Variants in GLS2 observed in about 807,000 individuals in gnomAD.
GLS2 encodes the protein glutaminase liver isoform, mitochondrial.
A neutral mutation model predicts 79.0 loss-of-function variants in GLS2; 52 were observed. That is an observed-to-expected ratio of 0.66 (90% confidence interval 0.53 to 0.83). The LOEUF (loss-of-function observed/expected upper bound fraction) is 0.83, where lower values mean the gene tolerates loss of function less well. GLS2 is among the 40% of genes least tolerant of loss of function. The probability of loss-of-function intolerance (pLI) is 0.00; values close to 1 mark genes in which losing one functional copy is unlikely to be tolerated. For synonymous variants in GLS2, 238 were observed against 280.8 expected (o/e 0.85, Z 1.52); for missense variants, 561 against 764.8 (o/e 0.73, Z 3.14).
rs756801839 is a variant in GLS2 at position 56,472,762 on chromosome 12, A to G, written c.1450-11T>C. ...GACCACAGTCTTGTTCTGGAACACA[A>G]ATCATACCCACATGACATTAATTGA... is the stretch of plus-strand genomic sequence containing the variant. On this transcript the variant is annotated splice_polypyrimidine_tract_variant and intron_variant, in intron 14 of 17. Coordinates refer to ENST00000311966, the MANE Select transcript of GLS2 (RefSeq NM_013267.4). 1.2e-6 allele frequency: 2 copies of G among 1,613,642 alleles called. No individual in the cohort carries two copies. The highest frequency in any genetic ancestry group is 4.5e-5 in the East Asian group (2 of 44,884).
In GLS2 at chr12:56,480,291, G is replaced by A. The variant is rs369246689; in HGVS notation, c.279C>T (p.Thr93=). The A allele has an allele frequency of 2.8e-5, 45 of 1,613,410 alleles. 1 individual carries two copies. The highest frequency in any genetic ancestry group is 2.7e-4 in the East Asian group (12 of 44,898). The change falls in exon 2 of 18, where the codon ACC becomes ACT. Residue 93 remains threonine (T), a synonymous_variant. Coordinates refer to ENST00000311966, the MANE Select transcript of GLS2 (RefSeq NM_013267.4). The part of the protein sequence containing the change: ...GQERIPIHKF[T]TALKATGLQT... Reference sequence around the variant, plus strand: ...GAACAGGTAGAGGGCAACTTACAGTGGTGAACTTGTGGATAGGGATTCGTT... The same window carrying A: ...GAACAGGTAGAGGGCAACTTACAGTAGTGAACTTGTGGATAGGGATTCGTT...
At position 56,471,385 on chromosome 12, in the gene GLS2, C is replaced by A; in HGVS notation, c.*102G>T. 7.9e-7 allele frequency: 1 copy of A among 1,262,898 alleles called. No homozygotes were observed. 78.2% of individuals were successfully genotyped at this position (1,262,898 alleles called of 1,614,324 possible). ...AGTCACCAAATGACTGCTTGGTCCC[C>A]ACTGAAGCAGTGTAGCTCTCCATAG... On this transcript the variant is annotated 3_prime_UTR_variant, in exon 18 of 18. Coordinates refer to ENST00000311966, the MANE Select transcript of GLS2 (RefSeq NM_013267.4).
intron 4 of GLS2, 195 bp from the exon 5 acceptor site, chr12:56,478,457 A>C (rs1182312887): frequency 3.4e-6 from 2 of 593,296 alleles, no homozygotes; most frequent in Non-Finnish European, 6.0e-6. Flanking sequence ...GTGTATCCGC[A>C]ATCCTGTAGA....
At chr12:56,479,637 G>C (rs1870125314) in intron 3 of GLS2, 143 bp downstream of exon 3, 2 of 955,122 alleles carry the variant, frequency 2.1e-6, no homozygotes, top group Non-Finnish European at 2.9e-6. Flanking sequence ...CTTATGATGA[G>C]TATTCATGTA....
chr12:56,488,020 G>C lies in GLS2; in HGVS notation c.99C>G (p.Gly33=). The C allele has an allele frequency of 2.5e-6, 4 of 1,597,534 alleles. No individual in the cohort carries two copies. The highest frequency in any genetic ancestry group is 3.4e-6 in the Non-Finnish European group (4 of 1,178,290). ...WGHPSRSPLL[G]GGVRHHLSEA... ...CACTGAGGTGGTGCCGGACGCCCCC[G>C]CCAAGGAGGGGGCTCCGGCTCGGGT... The change falls in exon 1 of 18, where the codon GGC becomes GGG. Residue 33 remains glycine (G), a synonymous_variant. Coordinates refer to ENST00000311966, the MANE Select transcript of GLS2 (RefSeq NM_013267.4).
rs901031980 is a variant in GLS2, at chr12:56,471,147, A to G, written c.*340T>C. On this transcript the variant is annotated 3_prime_UTR_variant, in exon 18 of 18. Transcript: ENST00000311966. ...GCATGGTAGCTAGAGTCCCTCCACC[A>G]GAGTATCTCTCTCATGATGGTTTCT... 12 of 417,230 alleles carry G rather than the reference A, an allele frequency of 2.9e-5. No individual in the cohort carries two copies. The highest frequency in any genetic ancestry group is 1.0e-4 in the South Asian group (1 of 9,984). The allele number at this position is 417,230 out of a possible 1,614,324, so 25.8% of individuals were successfully genotyped here. A position where few individuals can be genotyped will look rare whatever the true frequency, so the allele number is the denominator to read the frequency against.
intron 12 of GLS2, 171 bp from the exon 13 acceptor site, chr12:56,473,765 T>A: frequency 1.4e-6 from 1 of 713,654 alleles, no homozygotes; most frequent in Non-Finnish European, 2.1e-6. Flanking sequence ...TTCCTTCCCT[T>A]AAATTCATTG....
intron 1 of GLS2, among the ~76,000 whole-genome samples, chr12:56,486,391 C>T (rs1036635513): frequency 1.3e-5 from 2 of 152,160 alleles, no homozygotes; most frequent in African/African-American, 4.8e-5. Context: ...CTGTATCCCA[C>T]CATTATTTCT....
intron 15 of GLS2, 44 bp downstream of exon 15, chr12:56,472,646 A>C: frequency 6.4e-7 from 1 of 1,565,770 alleles, no homozygotes; most frequent in Non-Finnish European, 8.8e-7. Context: ...AAAATCTCTG[A>C]CCAGGAGTAT....
At chr12:56,471,871 C>G in intron 16 of GLS2, 35 bp from the exon 17 acceptor site, 1 of 1,605,446 alleles carries the variant, frequency 6.2e-7, no homozygotes, top group South Asian at 1.1e-5. Flanking sequence ...TGAGAAGGCG[C>G]AGGTCTTGAA....
intron 1 of GLS2, among the ~76,000 whole-genome samples, chr12:56,484,327 T>C (rs1392816836): frequency 1.3e-5 from 2 of 152,194 alleles, no homozygotes; most frequent in Admixed American, 6.5e-5. Context: ...AGAGATGACA[T>C]AGGTGCCAGG....
In GLS2 at chr12:56,473,578, T is replaced by A. The variant is rs1182210059; in HGVS notation, c.1241A>T (p.Lys414Met). The A allele has an allele frequency of 1.2e-6, 2 of 1,611,020 alleles. No homozygotes were observed. The highest frequency in any genetic ancestry group is 1.3e-5 in the African/African-American group (1 of 74,836). ...GAGGATGGCTCCTGATACAGCTGAC[T>A]TGGCTGGCAGGCCCACCTGGGGAAC... ...QFAFHVGLPAKSAVSGAILLV... is the reference protein window; with the variant it reads ...QFAFHVGLPAMSAVSGAILLV... Residue 414 changes from lysine (K) to methionine (M), a missense_variant, in exon 13 of 18, where the codon AAG (lysine) becomes ATG (methionine). By Grantham distance (95) the Lys-to-Met change is moderately conservative (BLOSUM62 -1). Transcript: ENST00000311966.
At chr12:56,479,707 C>G in intron 3 of GLS2, 73 bp downstream of exon 3, 1 of 1,479,030 alleles carries the variant, frequency 6.8e-7, no homozygotes, top group Non-Finnish European at 9.0e-7. Context: ...TTCCCAAATT[C>G]CTCCCTGCTC....
chr12:56,486,381 C>T (rs909174721), intron 1 of GLS2, among the ~76,000 whole-genome samples: 2 of 152,220 alleles, frequency 1.3e-5, no homozygotes, highest in African/African-American at 4.8e-5. Flanking sequence ...TCAGCCTTTG[C>T]TGTATCCCAC....
chr12:56,479,304 T>G (rs929847612), intron 3 of GLS2, 123 bp from the exon 4 acceptor site: 1 of 1,258,244 alleles, frequency 7.9e-7, no homozygotes, highest in African/African-American at 1.5e-5. Context: ...AACAGCTCTG[T>G]TACCTTTGGC....
At chr12:56,474,421 G>T in intron 12 of GLS2, 123 bp downstream of exon 12, 1 of 1,196,122 alleles carries the variant, frequency 8.4e-7, no homozygotes, top group Non-Finnish European at 1.2e-6. Flanking sequence ...CAACCTAATT[G>T]CCTTCCTGGA....
intron 14 of GLS2, 105 bp downstream of exon 14, chr12:56,473,123 T>G (rs1350170167): frequency 9.8e-7 from 1 of 1,020,968 alleles, no homozygotes; most frequent in Non-Finnish European, 1.5e-6. Flanking sequence ...TCTCCTGACC[T>G]TGTGATCCGC....
At chr12:56,483,995 G>T (rs1870497126) in intron 1 of GLS2, among the ~76,000 whole-genome samples, 1 of 152,202 alleles carries the variant, frequency 6.6e-6, no homozygotes, top group East Asian at 1.9e-4. Flanking sequence ...AGACTGGCTG[G>T]GCATGGTGGC....
At chr12:56,471,741 C>T (rs1869287213) in intron 17 of GLS2, 32 bp downstream of exon 17, 9 of 1,613,590 alleles carry the variant, frequency 5.6e-6, no homozygotes, top group Admixed American at 1.7e-5. Context: ...GAAGCTGTGC[C>T]CACCCTCCTC....
Sources: allele counts gnomAD v4.1 joint callset (sites outside exome capture counted in the v4.1 genomes callset), GRCh38; gene constraint gnomAD v4.1.1; transcripts MANE v1.5; gene names NCBI Gene and HGNC (gene_info 2026-07-23, HGNC 2026-07-21).